The following EPHA10 variants were observed in gnomAD, a reference collection of about 807,000 sequenced individuals.
The protein encoded by EPHA10 is ephrin type-A receptor 10.
EPHA10 carries 120 observed loss-of-function variants against 109.7 expected under a neutral mutation model. The observed-to-expected ratio is 1.09, with a 90% confidence interval of 0.94 to 1.27. EPHA10 has a LOEUF of 1.27. Ranked by LOEUF, EPHA10 falls within the 50% of genes most tolerant of loss-of-function variation. EPHA10 has a pLI of 0.00. For missense variants in EPHA10, 1,396 were observed against 1,411.1 expected (o/e 0.99, Z 0.17); for synonymous variants, 640 against 618.9 (o/e 1.03, Z -0.51).
At chr1:37,760,646 T>C (rs1646422154) in intron 3 of EPHA10, 1 of 222,640 alleles carries the variant, frequency 4.5e-6, no homozygotes. Flanking sequence ...TTCTTCCTTA[T>C]GCACTGAGGA....
chr1:37,722,325 C>A, intron 10 of EPHA10: 1 of 230,052 alleles, frequency 4.3e-6, no homozygotes, highest in Non-Finnish European at 8.9e-6. Flanking sequence ...CATATGCCAG[C>A]ACGCCGACTG....
At chr1:37,752,168 C>G (rs1175591539) in intron 5 of EPHA10, among the ~76,000 whole-genome samples, 1 of 152,168 alleles carries the variant, frequency 6.6e-6, no homozygotes, top group East Asian at 1.9e-4. Context: ...TCCACCCCAG[C>G]TGAGAAGCGA....
chr1:37,755,275 G>A lies in EPHA10; in HGVS notation c.851-905C>T, dbSNP rs1362228931. The stretch of plus-strand genomic sequence containing the variant: ...GTGTGAGAAAGAGAGGGGAGGAGAG[G>A]TGCCCCAAGAGCTGTTCCACAGTTA... On this transcript the variant is annotated intron_variant, in intron 3 of 16. Transcript: ENST00000373048. 2.6e-5 allele frequency among the ~76,000 whole-genome samples: 4 copies of A among 151,996 alleles called. No individual in the cohort carries two copies. In the East Asian group the frequency reaches 7.7e-4, roughly 29 times the overall value.
rs928722202 is a variant in EPHA10, at chr1:37,764,294, G to C, written c.106+667C>G. Among the ~76,000 whole-genome samples, 3 of 152,166 alleles carry C rather than the reference G, an allele frequency of 2.0e-5. No homozygotes were observed. The highest frequency in any genetic ancestry group is 4.4e-5 in the Non-Finnish European group (3 of 68,034). ...GACCAACCCCGCGGTCAACGCCTCAGATTCCAGCTCCTCCGGATTCTGCAC... is the reference window on the plus strand; with the variant it reads ...GACCAACCCCGCGGTCAACGCCTCACATTCCAGCTCCTCCGGATTCTGCAC... On this transcript the variant is annotated intron_variant, in intron 1 of 16. Transcript: ENST00000373048. The surrounding 1 kb of genome is among the most constrained non-coding windows in gnomAD (Gnocchi z 5.8).
chr1:37,718,807 G>T lies in EPHA10; in HGVS notation c.2766C>A (p.Thr922=). 6.2e-7 allele frequency: 1 copy of T among 1,611,344 alleles called. No homozygotes were observed. The highest frequency in any genetic ancestry group is 8.5e-7 in the Non-Finnish European group (1 of 1,179,208). Residue 922 remains threonine, a synonymous_variant, in exon 16 of 17, where the codon ACC becomes ACA. Coordinates refer to ENST00000373048, the MANE Select transcript of EPHA10 (RefSeq NM_001099439.2). ...CALTTCPRPP[T]PLADRAFSTF... ...TGGAGAAGGCACGGTCCGCTAGTGG[G>T]GTGGGAGGCCTGCGGGTCAGAGGAG...
intron 5 of EPHA10, among the ~76,000 whole-genome samples, chr1:37,747,767 CA>C (rs1646262484): frequency 6.6e-6 from 1 of 151,390 alleles, no homozygotes; most frequent in Non-Finnish European, 1.5e-5. Flanking sequence ...GACTCCATCT[CA>C]AAAATAATAA....
intron 8 of EPHA10, among the ~76,000 whole-genome samples, chr1:37,725,506 CAAAAAAAAA>C (rs536628850): frequency 0.16 from 9,034 of 56,540 alleles, 428 homozygotes; most frequent in Middle Eastern, 0.35. Flanking sequence ...GGCTCCATCT[CAAAAAAAAA>C]AAAAAAAAAA....
At chr1:37,747,613 T>C (rs1646259676) in intron 5 of EPHA10, among the ~76,000 whole-genome samples, 1 of 138,060 alleles carries the variant, frequency 7.2e-6, no homozygotes, top group Admixed American at 7.3e-5. Context: ...GATAAAATCA[T>C]AAAATATAGC....
At chr1:37,762,190 G>A (rs1646440114) in intron 2 of EPHA10, 107 bp from the exon 3 acceptor site, 4 of 1,082,066 alleles carry the variant, frequency 3.7e-6, no homozygotes, top group East Asian at 2.5e-5. Flanking sequence ...TGCACACCCC[G>A]GAAATTGTAA....
chr1:37,735,460 G>A (rs1646054484), intron 5 of EPHA10, 70 bp from the exon 6 acceptor site: 1 of 1,516,958 alleles, frequency 6.6e-7, no homozygotes, highest in Non-Finnish European at 8.9e-7. Flanking sequence ...GCGGGGAAGA[G>A]GGTGCGGCGT....
intron 4 of EPHA10, among the ~76,000 whole-genome samples, chr1:37,753,535 A>G (rs1337705830): frequency 7.0e-6 from 1 of 143,510 alleles, no homozygotes; most frequent in Admixed American, 6.9e-5. Flanking sequence ...GGGGGATAGG[A>G]AGGTGTGAGG....
At chr1:37,733,375 C>T (rs1178211187) in intron 6 of EPHA10, among the ~76,000 whole-genome samples, 1 of 152,060 alleles carries the variant, frequency 6.6e-6, no homozygotes, top group Non-Finnish European at 1.5e-5. Context: ...GCGCACACCA[C>T]CATGCCTGGC....
At chr1:37,714,308 G>T (rs779423480), downstream of EPHA10, among the ~76,000 whole-genome samples, 1 of 152,232 alleles carries the variant, frequency 6.6e-6, no homozygotes, top group Non-Finnish European at 1.5e-5. Flanking sequence ...ACTGAGACAT[G>T]CAAGGACTCA....
intron 5 of EPHA10, among the ~76,000 whole-genome samples, 187 bp from the exon 6 acceptor site, chr1:37,735,577 G>A (rs541206351): frequency 7.2e-5 from 11 of 152,168 alleles, no homozygotes; most frequent in Non-Finnish European, 1.0e-4. Context: ...GGAGTCTGTG[G>A]GACCAGAGGA....
chr1:37,726,403 A>G (rs898524501), intron 8 of EPHA10, among the ~76,000 whole-genome samples: 4 of 152,218 alleles, frequency 2.6e-5, no homozygotes, highest in Admixed American at 2.0e-4. Flanking sequence ...TTGTCGTTCC[A>G]GCTGCCAGGC....
chr1:37,730,222 G>C (rs1292474640), intron 7 of EPHA10, among the ~76,000 whole-genome samples: 1 of 152,224 alleles, frequency 6.6e-6, no homozygotes, highest in Non-Finnish European at 1.5e-5. Context: ...CAGGCGAGAA[G>C]TGTGGTCTTC....
intron 6 of EPHA10, among the ~76,000 whole-genome samples, chr1:37,731,838 A>C (rs547239553): frequency 6.6e-6 from 1 of 152,298 alleles, no homozygotes; most frequent in Non-Finnish European, 1.5e-5. Context: ...GCATAAGAGA[A>C]ATTTTAGAGA....
chr1:37,726,107 G>T (rs1358670084), intron 8 of EPHA10, among the ~76,000 whole-genome samples: 1 of 152,206 alleles, frequency 6.6e-6, no homozygotes, highest in African/African-American at 2.4e-5. Flanking sequence ...GGGGCTCTTG[G>T]CTTGCTTGTC....
intron 3 of EPHA10, chr1:37,760,282 G>T (rs1352059588): frequency 9.7e-7 from 1 of 1,031,852 alleles, no homozygotes; most frequent in Non-Finnish European, 1.2e-6. Flanking sequence ...TTTAGAAAAA[G>T]CATACCTTGA....
Sources: gnomAD v4.1 joint callset for allele counts (sites outside exome capture counted in the v4.1 genomes callset) on GRCh38, gnomAD v4.1.1 for gene constraint, Gnocchi (gnomAD v3.1) non-coding constraint, MANE v1.5 for transcripts, NCBI Gene and HGNC (gene_info 2026-07-23, HGNC 2026-07-21) for gene names.